Variants in SPIDR observed in about 807,000 individuals in gnomAD.
The protein encoded by SPIDR is scaffold protein involved in DNA repair, also known as DNA repair-scaffolding protein.
In SPIDR, 93 loss-of-function variants were observed where a neutral mutation model predicts 104.6. The observed-to-expected ratio is 0.89, with a 90% CI of 0.75 to 1.06. The LOEUF (loss-of-function observed/expected upper bound fraction) is 1.06. SPIDR is among the 50% of genes least tolerant of loss of function. SPIDR has a pLI of 0.00. For missense variants in SPIDR, 1,154 were observed against 1,111.2 expected, an observed-to-expected ratio of 1.04 and a Z score of -0.55; for synonymous variants, 431 against 416.9, an observed-to-expected ratio of 1.03 and a Z score of -0.41.
chr8:47,709,209 C>G (rs770513635), intron 14 of SPIDR, among the ~76,000 whole-genome samples: 2 of 151,992 alleles, frequency 1.3e-5, no homozygotes, highest in Admixed American at 6.6e-5. Flanking sequence ...GGCATGACCT[C>G]GGCTCACTGC....
chr8:47,308,092 C>T (rs185898081), intron 5 of SPIDR, among the ~76,000 whole-genome samples: 1 of 152,002 alleles, frequency 6.6e-6, no homozygotes, highest in African/African-American at 2.4e-5. Flanking sequence ...GGCAGAGTCT[C>T]ACTCTGTTGC....
At chr8:47,625,072 G>T (rs1459034792) in intron 10 of SPIDR, among the ~76,000 whole-genome samples, 1 of 152,164 alleles carries the variant, frequency 6.6e-6, no homozygotes, top group South Asian at 2.1e-4. Context: ...GGGATGCAAG[G>T]CTGGTTCAAC....
At position 47,712,626 on chromosome 8, in the gene SPIDR, A is replaced by G. The variant is rs531953246; in HGVS notation, c.1978-36A>G. The G allele has an allele frequency of 2.6e-5, 41 of 1,579,584 alleles. 1 individual carries two copies. In the South Asian group the frequency reaches 3.0e-4, roughly 11 times the overall value. ...AAATGCTTTTAAAACATTTTTTGGT[A>G]TAATAATTAATCTTTATTGTGTCTT... On this transcript the variant is annotated intron_variant, in intron 14 of 19. Transcript: ENST00000297423.
At chr8:47,296,037 G>A (rs1461077393) in intron 5 of SPIDR, among the ~76,000 whole-genome samples, 1 of 152,116 alleles carries the variant, frequency 6.6e-6, no homozygotes, top group Non-Finnish European at 1.5e-5. Flanking sequence ...GGTGAGTGGT[G>A]ATGATGAGCA....
Position 47,735,701 on chromosome 8 carries a change from C to T in SPIDR, c.*251C>T. The T allele has an allele frequency of 1.2e-6, 1 of 865,758 alleles. No homozygotes were observed. Among genetic ancestry groups the T allele is most frequent in the South Asian group, 1.9e-5 (1 of 52,022 alleles). The allele number at this position is 865,758 out of a possible 1,614,324, so 53.6% of individuals were successfully genotyped here. On this transcript the variant is annotated 3_prime_UTR_variant, in exon 20 of 20. Coordinates refer to ENST00000297423, the MANE Select transcript of SPIDR (RefSeq NM_001080394.4). ...ATATTTACTCGTTTTCACATTGAAT[C>T]TTAAGTTTAAGCTCTTCATTTGGTA... is the stretch of plus-strand genomic sequence containing the variant.
intron 16 of SPIDR, among the ~76,000 whole-genome samples, chr8:47,723,380 C>T (rs1404659890): frequency 6.6e-6 from 1 of 150,732 alleles, no homozygotes; most frequent in Non-Finnish European, 1.5e-5. Flanking sequence ...TTTTATTGAA[C>T]ATTATGATTC....
intron 1 of SPIDR, among the ~76,000 whole-genome samples, chr8:47,275,732 G>T (rs1030584151): frequency 9.2e-5 from 14 of 152,044 alleles, no homozygotes; most frequent in African/African-American, 3.4e-4. Flanking sequence ...TTGGTAGCTG[G>T]GTACCCCATA....
At chr8:47,317,838 G>A (rs1373290510) in intron 5 of SPIDR, among the ~76,000 whole-genome samples, 5 of 152,170 alleles carry the variant, frequency 3.3e-5, no homozygotes, top group Non-Finnish European at 5.9e-5. Context: ...GGGAAACAGG[G>A]TGTGGAGTGG....
At chr8:47,546,387 G>A (rs1042004571) in intron 8 of SPIDR, among the ~76,000 whole-genome samples, 4 of 152,076 alleles carry the variant, frequency 2.6e-5, no homozygotes, top group African/African-American at 9.7e-5. Context: ...GTCAAATTTT[G>A]TGTGCAGACT....
At chr8:47,279,767 G>A in intron 1 of SPIDR, 95 bp from the exon 2 acceptor site, 1 of 1,283,908 alleles carries the variant, frequency 7.8e-7, no homozygotes, top group Non-Finnish European at 1.1e-6. Context: ...GCCACTTCTA[G>A]GTTTTCAGAT....
At chr8:47,687,207 T>C (rs1358415076) in intron 11 of SPIDR, among the ~76,000 whole-genome samples, 1 of 152,244 alleles carries the variant, frequency 6.6e-6, no homozygotes, top group Non-Finnish European at 1.5e-5. Context: ...GATCCATAAA[T>C]GTGATAATAA....
chr8:47,615,744 T>A (rs1180879730), intron 10 of SPIDR, among the ~76,000 whole-genome samples: 1 of 152,026 alleles, frequency 6.6e-6, no homozygotes, highest in Admixed American at 6.6e-5. Flanking sequence ...TCAAAAACCA[T>A]TGGTTTTTGA....
chr8:47,542,808 C>T (rs556067254), intron 8 of SPIDR, among the ~76,000 whole-genome samples: 1 of 152,130 alleles, frequency 6.6e-6, no homozygotes, highest in African/African-American at 2.4e-5. Context: ...CCAAAGGATC[C>T]TTCCTGCCAC....
intron 5 of SPIDR, among the ~76,000 whole-genome samples, chr8:47,322,201 A>C (rs1259574072): frequency 6.6e-6 from 1 of 152,250 alleles, no homozygotes; most frequent in Non-Finnish European, 1.5e-5. Context: ...CTCATCTGAC[A>C]AAGGGCTAAT....
intron 8 of SPIDR, among the ~76,000 whole-genome samples, chr8:47,588,086 T>TATATACAC (rs2060511904): frequency 1.0e-5 from 1 of 99,846 alleles, no homozygotes; most frequent in South Asian, 3.3e-4. Context: ...TATATATATA[T>TATATACAC]ACACGTATGT....
chr8:47,330,382 A>G (rs781949449), intron 5 of SPIDR, among the ~76,000 whole-genome samples: 25 of 152,126 alleles, frequency 1.6e-4, no homozygotes, highest in Non-Finnish European at 3.2e-4. Flanking sequence ...CAAAGTCACT[A>G]GTTTCTATCA....
chr8:47,330,550 T>C (rs1272702784), intron 5 of SPIDR, among the ~76,000 whole-genome samples: 4 of 152,214 alleles, frequency 2.6e-5, no homozygotes, highest in African/African-American at 9.6e-5. Context: ...AAACCACTGA[T>C]CTTTTTACCA....
intron 6 of SPIDR, among the ~76,000 whole-genome samples, chr8:47,400,840 A>G (rs1018522707): frequency 3.9e-5 from 6 of 152,130 alleles, no homozygotes; most frequent in Non-Finnish European, 8.8e-5. Context: ...ATATCTTGAA[A>G]AGACAAAATC....
chr8:47,281,560 C>T (rs1199435072), intron 2 of SPIDR, among the ~76,000 whole-genome samples: 1 of 152,158 alleles, frequency 6.6e-6, no homozygotes, highest in East Asian at 1.9e-4. Context: ...CCAGAAACTA[C>T]TTTATTTGTT....
Sources: allele counts gnomAD v4.1 joint callset (sites outside exome capture counted in the v4.1 genomes callset), GRCh38; gene constraint gnomAD v4.1.1; transcripts MANE v1.5; gene names NCBI Gene and HGNC (gene_info 2026-07-23, HGNC 2026-07-21).